Variants in GRM7 observed in about 807,000 individuals in gnomAD.
GRM7 encodes the protein glutamate metabotropic receptor 7, also known as metabotropic glutamate receptor 7.
A neutral mutation model predicts 84.5 loss-of-function variants in GRM7; 35 were observed. The observed-to-expected ratio is 0.41, with a 90% confidence interval of 0.32 to 0.55. The LOEUF (loss-of-function observed/expected upper bound fraction) is 0.55. Among genes scored for constraint, GRM7 ranks in the 20% least tolerant of loss-of-function variants. The probability of loss-of-function intolerance (pLI) is 0.19; values close to 1 mark genes in which losing one functional copy is unlikely to be tolerated. For missense variants in GRM7, 1,003 were observed against 1,194.6 expected (o/e 0.84, Z 2.36); for synonymous variants, 487 against 455.1 (o/e 1.07, Z -0.89).
At chr3:6,873,087 T>C (rs1423508056) in intron 1 of GRM7, among the ~76,000 whole-genome samples, 3 of 152,172 alleles carry the variant, frequency 2.0e-5, no homozygotes, top group Non-Finnish European at 4.4e-5. Flanking sequence ...CAACATTTTT[T>C]TGGGATGACG....
At chr3:7,581,859 A>G (rs1054737610) in intron 8 of GRM7, among the ~76,000 whole-genome samples, 5 of 149,166 alleles carry the variant, frequency 3.4e-5, no homozygotes, top group African/African-American at 1.2e-4. Context: ...TCTTTTCCTT[A>G]TTTTTTTTTT....
At chr3:7,725,937 T>C (rs1416168104) in intron 9 of GRM7, among the ~76,000 whole-genome samples, 1 of 152,174 alleles carries the variant, frequency 6.6e-6, no homozygotes, top group East Asian at 1.9e-4. Context: ...AAGTCTCTCA[T>C]AGGTGTATTC....
chr3:6,956,059 T>C (rs938015600), intron 1 of GRM7, among the ~76,000 whole-genome samples: 8 of 152,170 alleles, frequency 5.3e-5, no homozygotes, highest in African/African-American at 9.7e-5. Context: ...ACAAATTCCA[T>C]TGGGTTATTG....
At chr3:7,042,100 C>A (rs901860881) in intron 1 of GRM7, among the ~76,000 whole-genome samples, 2 of 152,124 alleles carry the variant, frequency 1.3e-5, no homozygotes, top group Non-Finnish European at 2.9e-5. Flanking sequence ...TTTGTAATAT[C>A]TTTTATAATA....
chr3:6,959,620 G>A (rs1009018336), intron 1 of GRM7, among the ~76,000 whole-genome samples: 4 of 152,110 alleles, frequency 2.6e-5, no homozygotes, highest in Non-Finnish European at 4.4e-5. Context: ...ACCTCATTAA[G>A]GGTTGCAGTT....
At chr3:7,041,742 A>AT (rs944442642) in intron 1 of GRM7, among the ~76,000 whole-genome samples, 7 of 152,146 alleles carry the variant, frequency 4.6e-5, no homozygotes, top group South Asian at 2.1e-4. Flanking sequence ...CTCCAGAGTG[A>AT]TTTTTTGGAA....
At chr3:6,878,914 G>A (rs1329223504) in intron 1 of GRM7, among the ~76,000 whole-genome samples, 4 of 152,130 alleles carry the variant, frequency 2.6e-5, no homozygotes, top group African/African-American at 7.2e-5. Flanking sequence ...CCCAGGTGCT[G>A]CTATCACTGG....
rs116334774 is a variant in GRM7 at position 7,545,916 on chromosome 3, A to G, written c.1516-32506A>G. 5.3e-3 allele frequency among the ~76,000 whole-genome samples: 801 copies of G among 152,252 alleles called. 7 individuals are homozygous for G. The highest frequency in any genetic ancestry group is 0.018 in the African/African-American group (754 of 41,544). Reference sequence around the variant, plus strand: ...GAAAATCAGACACTCAGGCTAGTCAATTTTCTTCTCTGAGCCTCAATTTCT... The same window carrying G: ...GAAAATCAGACACTCAGGCTAGTCAGTTTTCTTCTCTGAGCCTCAATTTCT... On this transcript the variant is annotated intron_variant, in intron 7 of 9. Transcript: ENST00000357716.
At chr3:7,288,543 A>C (rs1699509677) in intron 2 of GRM7, among the ~76,000 whole-genome samples, 1 of 152,092 alleles carries the variant, frequency 6.6e-6, no homozygotes, top group Non-Finnish European at 1.5e-5. Flanking sequence ...CAGTCTTCTC[A>C]TCCGTAAAGT....
intron 1 of GRM7, among the ~76,000 whole-genome samples, chr3:6,875,032 T>C (rs533711814): frequency 6.6e-4 from 101 of 152,210 alleles, no homozygotes; most frequent in Non-Finnish European, 1.2e-3. Flanking sequence ...AGAATTATCC[T>C]CTATAGCATC....
intron 2 of GRM7, among the ~76,000 whole-genome samples, chr3:7,222,565 G>A (rs760128864): frequency 2.0e-5 from 3 of 152,098 alleles, no homozygotes; most frequent in South Asian, 2.1e-4. Flanking sequence ...AAGGAACTCC[G>A]CCCTGCTGAC....
At chr3:6,918,081 T>C (rs980431370) in intron 1 of GRM7, among the ~76,000 whole-genome samples, 4 of 152,202 alleles carry the variant, frequency 2.6e-5, no homozygotes, top group South Asian at 4.1e-4. Flanking sequence ...ATGAAAGCTT[T>C]GTACTTTCCA....
chr3:7,636,688 C>T (rs1698109943), intron 8 of GRM7, among the ~76,000 whole-genome samples: 5 of 152,122 alleles, frequency 3.3e-5, no homozygotes, highest in Admixed American at 3.3e-4. Flanking sequence ...AAATTCTTCC[C>T]CATAAAGCAA....
In GRM7 at chr3:7,586,361, A is replaced by C. The variant is rs557306636; in HGVS notation, c.2451+7004A>C. Among the ~76,000 whole-genome samples, 150 of 152,002 alleles carry C rather than the reference A, an allele frequency of 9.9e-4. 2 individuals carry two copies. In the South Asian group the frequency reaches 0.029, roughly 30 times the overall value. ...CCAAGAGAAAGGAAATAGTGTATTC[A>C]TGTAAAGACTTGTACATGAGGGGTT... is the stretch of plus-strand genomic sequence containing the variant. On this transcript the variant is annotated intron_variant, in intron 8 of 9. Transcript: ENST00000357716.
In GRM7 at chr3:7,654,821, A is replaced by G. The variant is rs543265066; in HGVS notation, c.2452-25228A>G. Among the ~76,000 whole-genome samples, 3 of 152,356 alleles carry G rather than the reference A, an allele frequency of 2.0e-5. No individual in the cohort carries two copies. In the East Asian group the frequency reaches 5.8e-4, roughly 29 times the overall value. Reference sequence around the variant, plus strand: ...TTTGTTCTTACGAAATACTATCCATAACTTAACTCCCAATTCTGTATTAGG... The same window carrying G: ...TTTGTTCTTACGAAATACTATCCATGACTTAACTCCCAATTCTGTATTAGG... On this transcript the variant is annotated intron_variant, in intron 8 of 9. Coordinates refer to ENST00000357716, the MANE Select transcript of GRM7 (RefSeq NM_000844.4).
intron 1 of GRM7, among the ~76,000 whole-genome samples, chr3:7,091,483 A>T (rs1698662212): frequency 6.6e-6 from 1 of 152,156 alleles, no homozygotes; most frequent in Non-Finnish European, 1.5e-5. Context: ...TGTTTATGCT[A>T]GTCCATTTTG....
At chr3:7,066,944 C>A (rs1486498489) in intron 1 of GRM7, among the ~76,000 whole-genome samples, 1 of 151,888 alleles carries the variant, frequency 6.6e-6, no homozygotes, top group African/African-American at 2.4e-5. Flanking sequence ...TCAATAGATG[C>A]AGAAAAAGCA....
At chr3:7,312,936 C>CTT (rs372557190) in intron 4 of GRM7, among the ~76,000 whole-genome samples, 57 of 127,286 alleles carry the variant, frequency 4.5e-4, no homozygotes, top group African/African-American at 1.4e-3. Flanking sequence ...TTCTTTTTTT[C>CTT]TTTTTTTTTT....
intron 7 of GRM7, among the ~76,000 whole-genome samples, chr3:7,514,571 C>T (rs568072997): frequency 4.1e-4 from 62 of 152,268 alleles, no homozygotes; most frequent in African/African-American, 1.5e-3. Flanking sequence ...AGACAACTTG[C>T]TTGGGGTGGC....
Sources: allele counts gnomAD v4.1 joint callset (sites outside exome capture counted in the v4.1 genomes callset), GRCh38; gene constraint gnomAD v4.1.1; transcripts MANE v1.5; gene names NCBI Gene and HGNC (gene_info 2026-07-23, HGNC 2026-07-21).